Variants in WWP2 observed in about 807,000 individuals in gnomAD.
The protein encoded by WWP2 is WW domain containing E3 ubiquitin protein ligase 2.
A neutral mutation model predicts 121.0 loss-of-function variants in WWP2; 57 were observed. The observed-to-expected ratio is 0.47, with a 90% confidence interval of 0.38 to 0.59. The LOEUF is 0.59. Among genes scored for constraint, WWP2 ranks in the 20% least tolerant of loss-of-function variants. WWP2 has a pLI of 0.00. For synonymous variants in WWP2, 449 were observed against 441.3 expected (o/e 1.02, Z -0.22); for missense variants, 962 against 1,158.9 (o/e 0.83, Z 2.47).
In WWP2 at chr16:69,820,825, T is replaced by TACAC. The variant is rs34214656; in HGVS notation, c.341-19272_341-19269dup. Among the ~76,000 whole-genome samples, 939 of 144,156 alleles carry TACAC rather than the reference T, an allele frequency of 6.5e-3. 5 individuals are homozygous for TACAC. The highest frequency in any genetic ancestry group is 8.6e-3 in the Non-Finnish European group (562 of 65,316). The allele number at this position is 144,156 out of a possible 152,430, so 94.6% of individuals were successfully genotyped here. A position where few individuals can be genotyped will look rare whatever the true frequency, so the allele number is the denominator to read the frequency against. ...ACACAAAACCATGAATACATGCATA[T>TACAC]ACACACACACACACACACACACACA... On this transcript the variant is annotated intron_variant, in intron 4 of 23. Coordinates refer to ENST00000359154, the MANE Select transcript of WWP2 (RefSeq NM_001270454.2).
chr16:69,909,083 A>G, intron 9 of WWP2: 1 of 1,312,376 alleles, frequency 7.6e-7, no homozygotes, highest in South Asian at 2.0e-5. Context: ...GCCAAGATTT[A>G]GAGTGTTGAT....
intron 2 of WWP2, among the ~76,000 whole-genome samples, chr16:69,796,827 T>G: frequency 6.6e-6 from 1 of 152,360 alleles, no homozygotes; most frequent in Middle Eastern, 3.4e-3. Context: ...CAGCTGATTT[T>G]TTATCTGTTG....
chr16:69,784,765 T>G (rs997082074), intron 1 of WWP2, among the ~76,000 whole-genome samples: 8 of 152,138 alleles, frequency 5.3e-5, no homozygotes, highest in Admixed American at 2.6e-4. Flanking sequence ...GCTGAATTAA[T>G]TGCTTTTTGG....
chr16:69,939,829 C>G lies in WWP2; in HGVS notation c.2514-12C>G, dbSNP rs1389078335. ...CCTAGGGCTGACTGTCGTGCTTCCC[C>G]ACTCTCAATAGCTTCAACCGTCTGG... On this transcript the variant is annotated splice_polypyrimidine_tract_variant and intron_variant, in intron 23 of 23. Coordinates refer to ENST00000359154, the MANE Select transcript of WWP2 (RefSeq NM_001270454.2). 3.1e-6 allele frequency: 5 copies of G among 1,611,350 alleles called. No individual in the cohort carries two copies. In the South Asian group the frequency reaches 5.5e-5, roughly 18 times the overall value.
At chr16:69,849,322 G>A (rs140413682) in intron 6 of WWP2, among the ~76,000 whole-genome samples, 1,795 of 152,316 alleles carry the variant, frequency 0.012, 30 homozygotes, top group African/African-American at 0.038. Context: ...TTCCACTGAG[G>A]TGACTAAAGG....
At chr16:69,796,887 T>A (rs1370188547) in intron 2 of WWP2, among the ~76,000 whole-genome samples, 1 of 152,240 alleles carries the variant, frequency 6.6e-6, no homozygotes, top group East Asian at 1.9e-4. Flanking sequence ...GTTACTGCTA[T>A]AAAAAATCTG....
chr16:69,822,271 G>A (rs2056606940), intron 4 of WWP2, among the ~76,000 whole-genome samples: 1 of 152,126 alleles, frequency 6.6e-6, no homozygotes, highest in South Asian at 2.1e-4. Flanking sequence ...AGGATCATGA[G>A]CCTTGCTTGT....
intron 1 of WWP2, among the ~76,000 whole-genome samples, chr16:69,767,605 A>G (rs1230288198): frequency 2.0e-5 from 3 of 152,238 alleles, no homozygotes. Context: ...AGCAATGGGC[A>G]GCACAGCAGA....
At chr16:69,887,558 A>G (rs2057947244) in intron 7 of WWP2, among the ~76,000 whole-genome samples, 1 of 152,118 alleles carries the variant, frequency 6.6e-6, no homozygotes, top group African/African-American at 2.4e-5. Flanking sequence ...GGTGTGCGCC[A>G]CCATGCCCAG....
intron 1 of WWP2, among the ~76,000 whole-genome samples, chr16:69,772,110 C>T (rs2055430806): frequency 6.6e-6 from 1 of 151,368 alleles, no homozygotes; most frequent in African/African-American, 2.4e-5. Context: ...TACAGGCACG[C>T]ACCACTACAC....
Position 69,778,986 on chromosome 16 carries a change from G to T in WWP2, c.-15-8010G>T, listed in dbSNP as rs146620816. 1.3e-3 allele frequency among the ~76,000 whole-genome samples: 195 copies of T among 148,284 alleles called. 7 individuals are homozygous for T. In the East Asian group the frequency reaches 0.036, roughly 27 times the overall value. Reference sequence around the variant, plus strand: ...ATTTTTTGAGATGGAGTCTCGCTCTGTTGCCCAGGCTGGAGTGCAATGGTG... The same window carrying T: ...ATTTTTTGAGATGGAGTCTCGCTCTTTTGCCCAGGCTGGAGTGCAATGGTG... On this transcript the variant is annotated intron_variant, in intron 1 of 23. Coordinates refer to ENST00000359154, the MANE Select transcript of WWP2 (RefSeq NM_001270454.2).
At chr16:69,814,469 C>T (rs1411615687) in intron 4 of WWP2, among the ~76,000 whole-genome samples, 1 of 152,030 alleles carries the variant, frequency 6.6e-6, no homozygotes, top group Admixed American at 6.6e-5. Flanking sequence ...TTTACAAATT[C>T]CTTCACATCT....
intron 4 of WWP2, among the ~76,000 whole-genome samples, chr16:69,811,454 A>G (rs757876636): frequency 3.3e-5 from 5 of 152,030 alleles, no homozygotes; most frequent in Non-Finnish European, 7.4e-5. Context: ...CTCCATCCCT[A>G]CAAAAAATAA....
chr16:69,891,899 C>T (rs937187396), intron 8 of WWP2, among the ~76,000 whole-genome samples: 2 of 152,212 alleles, frequency 1.3e-5, no homozygotes, highest in African/African-American at 2.4e-5. Flanking sequence ...CCCTGACATC[C>T]GTTCAGTCAT....
At chr16:69,894,633 G>A (rs1019024994) in intron 8 of WWP2, among the ~76,000 whole-genome samples, 2 of 152,190 alleles carry the variant, frequency 1.3e-5, no homozygotes, top group South Asian at 2.1e-4. Context: ...AAGAAGGGGT[G>A]CCAGGAAGGT....
intron 2 of WWP2, among the ~76,000 whole-genome samples, chr16:69,796,255 A>G (rs2056042064): frequency 6.6e-6 from 1 of 152,186 alleles, no homozygotes. Flanking sequence ...TATGTGTATG[A>G]GCGCAGATAC....
intron 10 of WWP2, among the ~76,000 whole-genome samples, chr16:69,922,195 G>A (rs1242453528): frequency 6.6e-6 from 1 of 150,926 alleles, no homozygotes; most frequent in Non-Finnish European, 1.5e-5. Flanking sequence ...TGAGCCCCTT[G>A]CATTGAATTC....
chr16:69,798,726 A>AACTCCTAC lies in WWP2; in HGVS notation c.116_123dup (p.Val42ThrfsTer35). ...GGTGCATAATCGTCAACCTCGAATT[A>AACTCCTAC]ACTCCTACGTGGAGGTGGCGGTGGA... is the stretch of plus-strand genomic sequence containing the variant. On this transcript the variant is annotated frameshift_variant, in exon 3 of 24. Coordinates refer to ENST00000359154, the MANE Select transcript of WWP2 (RefSeq NM_001270454.2). LOFTEE classifies it high-confidence loss of function. 6.2e-7 allele frequency: 1 copy of AACTCCTAC among 1,614,072 alleles called. No homozygotes were observed. Among genetic ancestry groups the AACTCCTAC allele is most frequent in the Admixed American group, 1.7e-5 (1 of 60,006 alleles).
chr16:69,816,277 TACC>T (rs2056488296), intron 4 of WWP2, among the ~76,000 whole-genome samples: 2 of 151,982 alleles, frequency 1.3e-5, no homozygotes, highest in Admixed American at 6.6e-5. Flanking sequence ...ATGTATATTT[TACC>T]ACAATTAAAA....
Sources: allele counts gnomAD v4.1 joint callset (sites outside exome capture counted in the v4.1 genomes callset), GRCh38; gene constraint gnomAD v4.1.1; transcripts MANE v1.5; gene names NCBI Gene and HGNC (gene_info 2026-07-23, HGNC 2026-07-21).